The following YTHDC2 variants were observed in gnomAD, a reference collection of about 807,000 sequenced individuals.
The protein encoded by YTHDC2 is 3'-5' RNA helicase YTHDC2.
A neutral mutation model predicts 174.9 loss-of-function variants in YTHDC2; 45 were observed. The observed-to-expected ratio is 0.26, with a 90% CI of 0.20 to 0.33. The LOEUF (loss-of-function observed/expected upper bound fraction) is 0.33. Ranked by LOEUF, YTHDC2 falls within the 10% of genes least tolerant of loss-of-function variation. YTHDC2 has a pLI of 1.00. For missense variants in YTHDC2, 1,650 were observed against 1,723.7 expected (o/e 0.96, Z 0.76); for synonymous variants, 657 against 574.5 (o/e 1.14, Z -2.05).
At position 113,593,290 on chromosome 5, in the gene YTHDC2, C is replaced by T; in HGVS notation, c.4213-13C>T. The stretch of plus-strand genomic sequence containing the variant: ...GTTCTTTTTATGTTTATTTTGACTT[C>T]TGATTTATCTAGGAACTAGAACCTC... On this transcript the variant is annotated splice_polypyrimidine_tract_variant and intron_variant, in intron 28 of 29. Transcript: ENST00000161863. 1 of 1,606,550 alleles carries T rather than the reference C, an allele frequency of 6.2e-7. No individual in the cohort carries two copies. The highest frequency in any genetic ancestry group is 1.7e-5 in the Admixed American group (1 of 59,456).
chr5:113,549,863 C>T (rs6594735), intron 12 of YTHDC2, among the ~76,000 whole-genome samples: 85,660 of 151,460 alleles, frequency 0.57, 27,016 homozygotes, highest in East Asian at 0.76. Flanking sequence ...TGTTCAAGAA[C>T]AGCAACTAGA....
chr5:113,578,337 A>T (rs1391857513), intron 23 of YTHDC2, among the ~76,000 whole-genome samples: 1 of 151,948 alleles, frequency 6.6e-6, no homozygotes, highest in Non-Finnish European at 1.5e-5. Context: ...CTGGGACTAT[A>T]GGCATGAGTC....
intron 7 of YTHDC2, among the ~76,000 whole-genome samples, chr5:113,538,382 CT>C (rs1331179988): frequency 6.6e-6 from 1 of 152,076 alleles, no homozygotes; most frequent in Non-Finnish European, 1.5e-5. Context: ...GACATAAACC[CT>C]TAGTAAGACT....
chr5:113,561,961 T>G (rs531839665), intron 18 of YTHDC2, among the ~76,000 whole-genome samples: 236 of 72,968 alleles, frequency 3.2e-3, no homozygotes, highest in African/African-American at 0.012. Context: ...ATTGTGGGTG[T>G]GTGTGTGTGT....
intron 4 of YTHDC2, among the ~76,000 whole-genome samples, chr5:113,531,228 A>G (rs1327970339): frequency 1.3e-5 from 2 of 152,156 alleles, no homozygotes; most frequent in African/African-American, 4.8e-5. Context: ...TGACCCGCAG[A>G]TCCTGACCCA....
At chr5:113,540,623 G>A (rs748587515) in intron 8 of YTHDC2, among the ~76,000 whole-genome samples, 41 of 152,236 alleles carry the variant, frequency 2.7e-4, no homozygotes, top group Non-Finnish European at 4.7e-4. Context: ...CAGATCTCGT[G>A]AGAACTCACT....
chr5:113,546,069 G>A (rs1775869302), intron 10 of YTHDC2, among the ~76,000 whole-genome samples: 1 of 152,078 alleles, frequency 6.6e-6, no homozygotes. Flanking sequence ...TAACTTTTTG[G>A]ATTTGAAAGT....
At position 113,584,326 on chromosome 5, in the gene YTHDC2, A is replaced by G; in HGVS notation, c.3672A>G (p.Pro1224=). The change falls in exon 26 of 30, where the codon CCA becomes CCG. Residue 1224 remains proline (P), a synonymous_variant. Transcript: ENST00000161863. ...AERVLMKSPS[P]ALHPPQKYKD... ...GAGTACTGATGAAATCTCCATCTCC[A>G]GCATTACACCCACCTCAGAAGTACA... is the stretch of plus-strand genomic sequence containing the variant. 6.2e-7 allele frequency: 1 copy of G among 1,612,554 alleles called. No individual in the cohort carries two copies.
At chr5:113,572,538 AT>A (rs1302687957) in intron 23 of YTHDC2, among the ~76,000 whole-genome samples, 4 of 152,142 alleles carry the variant, frequency 2.6e-5, no homozygotes, top group African/African-American at 9.7e-5. Flanking sequence ...TTCTGTCTTG[AT>A]GATCTGTCTA....
chr5:113,592,059 C>G lies in YTHDC2; in HGVS notation c.4093C>G (p.Leu1365Val), dbSNP rs768687147. 1 of 1,612,972 alleles carries G rather than the reference C, an allele frequency of 6.2e-7. No individual in the cohort carries two copies. The highest frequency in any genetic ancestry group is 8.5e-7 in the Non-Finnish European group (1 of 1,179,466). Residue 1365 changes from leucine to valine, a missense_variant, in exon 28 of 30, where the codon CTA becomes GTA. Leu to Val is a conservative substitution (Grantham distance 32). Around this residue, in one of 5 missense-constraint regions of YTHDC2, gnomAD observed 913 missense variants for 940.4 expected, o/e 0.97. Coordinates refer to ENST00000161863, the MANE Select transcript of YTHDC2 (RefSeq NM_022828.5). ...EKSQDWGSAGLGGVFKVEWIR... is the reference protein window; with the variant it reads ...EKSQDWGSAGVGGVFKVEWIR... ...GAGTCAGGACTGGGGCTCTGCTGGA[C>G]TAGGAGGAGTATTTAAGGTGGAGTG...
chr5:113,553,759 G>A lies in YTHDC2; in HGVS notation c.1965-8G>A, dbSNP rs187168064. 98 of 1,612,082 alleles carry A rather than the reference G, an allele frequency of 6.1e-5. 1 individual carries two copies. The African/African-American group carries it at 1.2e-3, about 20-fold the overall frequency. On this transcript the variant is annotated splice_region_variant and splice_polypyrimidine_tract_variant and intron_variant, in intron 14 of 29. Coordinates refer to ENST00000161863, the MANE Select transcript of YTHDC2 (RefSeq NM_022828.5). ...TTATAGTATGTTTTCTCTTTCAATTGTCTGCAGATACCAAGTCTTTATGCT... is the reference window on the plus strand; with the variant it reads ...TTATAGTATGTTTTCTCTTTCAATTATCTGCAGATACCAAGTCTTTATGCT...
intron 19 of YTHDC2, 144 bp downstream of exon 19, chr5:113,563,636 T>C (rs557324746): frequency 9.4e-6 from 10 of 1,063,308 alleles, no homozygotes; most frequent in South Asian, 1.9e-5. Flanking sequence ...TTTGTACTTT[T>C]AAACAATTAT....
chr5:113,540,500 G>T (rs536954222), intron 8 of YTHDC2, among the ~76,000 whole-genome samples: 7 of 152,146 alleles, frequency 4.6e-5, no homozygotes, highest in Non-Finnish European at 7.3e-5. Flanking sequence ...GGCTGGGGAG[G>T]CCTCAGGAAA....
chr5:113,516,503 T>C (rs1773436097), intron 2 of YTHDC2, among the ~76,000 whole-genome samples: 1 of 152,210 alleles, frequency 6.6e-6, no homozygotes, highest in African/African-American at 2.4e-5. Flanking sequence ...GTTGGTGCTA[T>C]TGACATTTTG....
At chr5:113,532,376 G>A (rs773024074) in intron 4 of YTHDC2, among the ~76,000 whole-genome samples, 6 of 152,112 alleles carry the variant, frequency 3.9e-5, no homozygotes, top group Admixed American at 6.5e-5. Flanking sequence ...ATTTTAAATC[G>A]TTCCAACCTG....
In YTHDC2 at chr5:113,553,173, TTTTTC is replaced by T. The variant is rs745468527; in HGVS notation, c.1689-7_1689-3del. 81 of 1,392,344 alleles carry T rather than the reference TTTTTC, an allele frequency of 5.8e-5. No individual in the cohort carries two copies. Among genetic ancestry groups the T allele is most frequent in the Admixed American group, 2.1e-4 (6 of 29,206 alleles). The allele number at this position is 1,392,344 out of a possible 1,614,324, so 86.2% of individuals were successfully genotyped here. On this transcript the variant is annotated splice_polypyrimidine_tract_variant and splice_region_variant and intron_variant, in intron 12 of 29. Transcript: ENST00000161863. ...TGACTTTGTCTTTTTTTTTTTTTTT[TTTTTC>T]AGTGCTACACTGGAATTTGGAAATC... is the stretch of plus-strand genomic sequence containing the variant.
chr5:113,513,797 G>A lies in YTHDC2; in HGVS notation c.-99G>A. On this transcript the variant is annotated 5_prime_UTR_variant, in exon 1 of 30. Transcript: ENST00000161863. ...CAGCCCAACACAGGCCGTCTCCGGA[G>A]CTTCCCGGTAGTGGCCCCGGATTCC... 2 of 1,367,788 alleles carry A rather than the reference G, an allele frequency of 1.5e-6. No individual in the cohort carries two copies. The highest frequency in any genetic ancestry group is 1.5e-5 in the South Asian group (1 of 66,798). The allele number at this position is 1,367,788 out of a possible 1,614,324, so 84.7% of individuals were successfully genotyped here.
chr5:113,564,447 G>A (rs1200129471), intron 20 of YTHDC2, among the ~76,000 whole-genome samples: 1 of 151,976 alleles, frequency 6.6e-6, no homozygotes, highest in East Asian at 1.9e-4. Context: ...TAAAATTTCA[G>A]TTAAGAAATA....
At chr5:113,554,050 T>G (rs765112574) in intron 16 of YTHDC2, 28 bp downstream of exon 16, 1 of 1,466,930 alleles carries the variant, frequency 6.8e-7, no homozygotes. Flanking sequence ...GTAGTTTTAC[T>G]TAAATGAAGA....
Sources: allele counts gnomAD v4.1 joint callset (sites outside exome capture counted in the v4.1 genomes callset), GRCh38; gene constraint gnomAD v4.1.1; regional missense constraint gnomAD v4.1.1; transcripts MANE v1.5; gene names NCBI Gene and HGNC (gene_info 2026-07-23, HGNC 2026-07-21).